Variants in RASEF observed in about 807,000 individuals in gnomAD.
The protein encoded by RASEF is RAS and EF-hand domain containing.
In RASEF, 68 loss-of-function variants were observed where a neutral mutation model predicts 90.1. That is an observed-to-expected ratio of 0.75 (90% confidence interval 0.62 to 0.92). The LOEUF is 0.92. Ranked by LOEUF, RASEF falls within the 40% of genes least tolerant of loss-of-function variation. RASEF has a pLI of 0.00. For synonymous variants in RASEF, 331 were observed against 345.2 expected, an observed-to-expected ratio of 0.96 and a Z score of 0.46; for missense variants, 949 against 937.2, an observed-to-expected ratio of 1.01 and a Z score of -0.16.
intron 14 of RASEF, among the ~76,000 whole-genome samples, chr9:82,995,610 T>C (rs1012872983): frequency 5.3e-5 from 8 of 152,110 alleles, no homozygotes; most frequent in East Asian, 1.9e-4. Context: ...CATGCCTGGG[T>C]AATTTTTGTA....
chr9:83,059,126 A>G (rs957213157), intron 1 of RASEF, among the ~76,000 whole-genome samples: 1 of 151,108 alleles, frequency 6.6e-6, no homozygotes, highest in Non-Finnish European at 1.5e-5. Flanking sequence ...TTCTAAGTTA[A>G]TTTATCAGCA....
intron 16 of RASEF, among the ~76,000 whole-genome samples, chr9:82,985,253 T>TG (rs113500188): frequency 1.3e-5 from 2 of 152,030 alleles, no homozygotes; most frequent in African/African-American, 4.8e-5. Context: ...CTCAGAATCA[T>TG]GGGGGGAGGC....
At chr9:83,209,501 T>C in the RASEF span, among the ~76,000 whole-genome samples, 1 of 152,256 alleles carries the variant, frequency 6.6e-6, no homozygotes, top group Non-Finnish European at 1.5e-5. Context: ...TGAGCAAATT[T>C]GGCCAGAAGA....
At chr9:83,211,149 T>A in the RASEF span, among the ~76,000 whole-genome samples, 1 of 152,238 alleles carries the variant, frequency 6.6e-6, no homozygotes, top group Non-Finnish European at 1.5e-5. Context: ...TTAGTTGCCA[T>A]GCCTCTTTAG....
chr9:83,017,293 G>C (rs1395415042), intron 3 of RASEF, among the ~76,000 whole-genome samples: 1 of 150,480 alleles, frequency 6.6e-6, no homozygotes, highest in Non-Finnish European at 1.5e-5. Context: ...AGACCATCCT[G>C]GCTAACACGG....
the RASEF span, among the ~76,000 whole-genome samples, chr9:83,195,286 CTG>C: frequency 2.0e-5 from 3 of 152,168 alleles, no homozygotes; most frequent in Non-Finnish European, 2.9e-5. Flanking sequence ...AAAGAGGAAA[CTG>C]AGTTTGCCCA....
At chr9:83,122,426 C>CAGCTCAGCCAAAGGAGGAGGG in the RASEF span, among the ~76,000 whole-genome samples, 2 of 152,164 alleles carry the variant, frequency 1.3e-5, no homozygotes, top group African/African-American at 2.4e-5. Context: ...GAGGTGTAAG[C>CAGCTCAGCCAAAGGAGGAGGG]AGCTCAGCCA....
chr9:83,174,655 T>C, the RASEF span, among the ~76,000 whole-genome samples: 2 of 152,150 alleles, frequency 1.3e-5, no homozygotes, highest in Admixed American at 1.3e-4. Context: ...TGAATTTAAG[T>C]ATCAGCTTGT....
chr9:83,111,763 G>T, the RASEF span, among the ~76,000 whole-genome samples: 9 of 151,660 alleles, frequency 5.9e-5, no homozygotes, highest in Non-Finnish European at 1.3e-4. Context: ...AGAAAAAAAT[G>T]GATGAATATG....
chr9:83,048,339 G>T (rs1017109979), intron 1 of RASEF: 1 of 985,162 alleles, frequency 1.0e-6, no homozygotes, highest in Non-Finnish European at 1.2e-6. Context: ...GAGTGTAGCT[G>T]GTCTGTTTGA....
At chr9:83,159,125 G>A in the RASEF span, among the ~76,000 whole-genome samples, 931 of 150,070 alleles carry the variant, frequency 6.2e-3, 6 homozygotes, top group Middle Eastern at 0.028. Context: ...GGCGGAGCTT[G>A]CAGTGAGCCA....
At chr9:83,019,543 T>A (rs1219998519) in intron 3 of RASEF, among the ~76,000 whole-genome samples, 1 of 152,182 alleles carries the variant, frequency 6.6e-6, no homozygotes, top group Non-Finnish European at 1.5e-5. Flanking sequence ...TCCACATTCA[T>A]CTACATAGAT....
At chr9:83,021,799 T>C (rs1829449420) in intron 3 of RASEF, among the ~76,000 whole-genome samples, 1 of 152,232 alleles carries the variant, frequency 6.6e-6, no homozygotes, top group Non-Finnish European at 1.5e-5. Flanking sequence ...AACTTGAGCA[T>C]GCAGATTTTG....
At chr9:83,049,221 A>G in intron 1 of RASEF, 1 of 687,780 alleles carries the variant, frequency 1.5e-6, no homozygotes, top group Non-Finnish European at 1.8e-6. Flanking sequence ...TAAATCAGAT[A>G]TAAACTTCCT....
At chr9:83,072,422 CA>C in the RASEF span, among the ~76,000 whole-genome samples, 1 of 152,182 alleles carries the variant, frequency 6.6e-6, no homozygotes, top group Admixed American at 6.5e-5. Flanking sequence ...ACTAATAGGA[CA>C]GATGTATATA....
At chr9:83,003,061 C>T (rs910268726) in intron 9 of RASEF, among the ~76,000 whole-genome samples, 1 of 151,998 alleles carries the variant, frequency 6.6e-6, no homozygotes, top group African/African-American at 2.4e-5. Context: ...TTGCGAAGAA[C>T]AAAGCCAAAA....
At chr9:83,046,630 T>A (rs938725947) in intron 1 of RASEF, among the ~76,000 whole-genome samples, 1 of 152,220 alleles carries the variant, frequency 6.6e-6, no homozygotes, top group Non-Finnish European at 1.5e-5. Flanking sequence ...CACAGGAGTA[T>A]CCTAAAATGG....
chr9:83,144,888 T>A, the RASEF span, among the ~76,000 whole-genome samples: 1 of 152,214 alleles, frequency 6.6e-6, no homozygotes, highest in Admixed American at 6.5e-5. Flanking sequence ...GATAATCTGT[T>A]ACTTTAATAA....
chr9:82,992,433 C>A (rs1828833148), intron 15 of RASEF, among the ~76,000 whole-genome samples: 1 of 152,198 alleles, frequency 6.6e-6, no homozygotes. Flanking sequence ...TTTTTTATAT[C>A]AACTAAACAC....
Sources: gnomAD v4.1 joint callset for allele counts (sites outside exome capture counted in the v4.1 genomes callset) on GRCh38, gnomAD v4.1.1 for gene constraint, MANE v1.5 for transcripts, NCBI Gene and HGNC (gene_info 2026-07-23, HGNC 2026-07-21) for gene names.